Variants in REV3L observed in about 807,000 individuals in gnomAD.
REV3L encodes REV3 like, DNA directed polymerase zeta catalytic subunit.
Under a neutral mutation model 299.4 loss-of-function variants are expected in REV3L, and 69 were observed. The ratio of observed to expected loss-of-function variants is 0.23; its 90% CI spans 0.19 to 0.28. The LOEUF (loss-of-function observed/expected upper bound fraction) is 0.28. Among genes scored for constraint, REV3L ranks in the 10% least tolerant of loss-of-function variants. The pLI, the probability that REV3L is intolerant of heterozygous loss-of-function variation, is 1.00. For synonymous variants in REV3L, 1,238 were observed against 1,271.4 expected (o/e 0.97, Z 0.56); for missense variants, 3,128 against 3,693.8 (o/e 0.85, Z 3.97).
chr6:111,380,295 C>A lies in REV3L; in HGVS notation c.1217-76G>T, dbSNP rs546373087. On this transcript the variant is annotated intron_variant, in intron 10 of 31. Coordinates refer to ENST00000368802, the MANE Select transcript of REV3L (RefSeq NM_001372078.1). ...TTGACACGGAGTCTTGCTCTCTCAC[C>A]CAGGCTGGAGTTGGAGTGCAGTGGC... The A allele has an allele frequency of 7.2e-5, 79 of 1,100,158 alleles. No individual in the cohort carries two copies. The Middle Eastern group carries it at 9.5e-4, about 13-fold the overall frequency. 68.1% of individuals were successfully genotyped at this position (1,100,158 alleles called of 1,614,324 possible).
At chr6:111,420,940 A>G (rs1785271337) in intron 1 of REV3L, among the ~76,000 whole-genome samples, 1 of 152,152 alleles carries the variant, frequency 6.6e-6, no homozygotes, top group South Asian at 2.1e-4. Context: ...GGAGATCAAG[A>G]CCATCCTGGC....
intron 1 of REV3L, among the ~76,000 whole-genome samples, chr6:111,477,508 T>C (rs987715220): frequency 4.6e-5 from 7 of 152,160 alleles, no homozygotes; most frequent in African/African-American, 1.7e-4. Flanking sequence ...AGTAAAAACA[T>C]TCTCAGCAGG....
At chr6:111,428,827 A>G (rs1350105590) in intron 1 of REV3L, among the ~76,000 whole-genome samples, 1 of 152,186 alleles carries the variant, frequency 6.6e-6, no homozygotes, top group East Asian at 1.9e-4. Flanking sequence ...ATTTCAAGAA[A>G]TAACAGAAAA....
intron 30 of REV3L, 100 bp downstream of exon 30, chr6:111,309,753 G>A: frequency 7.5e-7 from 1 of 1,328,440 alleles, no homozygotes; most frequent in Non-Finnish European, 1.0e-6. Flanking sequence ...TCCCTTCCCA[G>A]CACTCCCATA....
intron 31 of REV3L, among the ~76,000 whole-genome samples, chr6:111,301,208 A>G (rs958675516): frequency 2.0e-5 from 3 of 152,170 alleles, no homozygotes; most frequent in Non-Finnish European, 4.4e-5. Context: ...TTCTAGTCAG[A>G]CTGGTTGTCT....
intron 18 of REV3L, among the ~76,000 whole-genome samples, chr6:111,353,037 C>A (rs1157492980): frequency 6.6e-6 from 1 of 152,098 alleles, no homozygotes; most frequent in Non-Finnish European, 1.5e-5. Flanking sequence ...GCCAAAAGGC[C>A]AAGTGAAATA....
chr6:111,316,143 CAGG>C (rs761243005), intron 26 of REV3L, among the ~76,000 whole-genome samples: 40 of 150,442 alleles, frequency 2.7e-4, no homozygotes, highest in Non-Finnish European at 5.5e-4. Context: ...GAGGCTGAGG[CAGG>C]AGAATCGCTT....
chr6:111,321,563 T>C (rs908187219), intron 26 of REV3L, among the ~76,000 whole-genome samples: 2 of 152,108 alleles, frequency 1.3e-5, no homozygotes, highest in African/African-American at 4.8e-5. Flanking sequence ...CAGGAGAGAA[T>C]ATGGATAATT....
intron 28 of REV3L, chr6:111,312,476 T>G (rs1773089067): frequency 6.6e-6 from 1 of 152,154 alleles, no homozygotes; most frequent in Non-Finnish European, 1.5e-5. Context: ...TTTGAGTAAT[T>G]TATAGCTAAT....
At chr6:111,335,179 T>A (rs1382744883) in intron 22 of REV3L, among the ~76,000 whole-genome samples, 2 of 152,168 alleles carry the variant, frequency 1.3e-5, no homozygotes, top group Admixed American at 6.5e-5. Context: ...AAAAGAAAGG[T>A]ACTTTCTTTG....
At chr6:111,328,581 T>G (rs1420474694) in intron 25 of REV3L, among the ~76,000 whole-genome samples, 2 of 152,178 alleles carry the variant, frequency 1.3e-5, no homozygotes, top group Non-Finnish European at 2.9e-5. Flanking sequence ...GTATGCTAAT[T>G]TCTAAAATTA....
intron 3 of REV3L, among the ~76,000 whole-genome samples, chr6:111,406,634 T>G (rs985634906): frequency 4.6e-5 from 7 of 152,278 alleles, no homozygotes; most frequent in Non-Finnish European, 1.0e-4. Context: ...GAAAAGGGGC[T>G]GAGGGTGATG....
rs1365436084 is a variant in REV3L, at chr6:111,351,659, T to C, written c.7300+17A>G. 2 of 1,581,076 alleles carry C rather than the reference T, an allele frequency of 1.3e-6. No homozygotes were observed. The highest frequency in any genetic ancestry group is 1.4e-5 in the African/African-American group (1 of 73,996). ...TGCTCTGTAGTTGAATGACAAAACA[T>C]TCACAATGACACATACCTGGCACCC... On this transcript the variant is annotated intron_variant, in intron 19 of 31. Transcript: ENST00000368802.
chr6:111,422,375 A>C (rs1354232019), intron 1 of REV3L, among the ~76,000 whole-genome samples: 1 of 151,646 alleles, frequency 6.6e-6, no homozygotes. Context: ...CAAAACCTAA[A>C]ATATGTGCTT....
chr6:111,483,361 G>A (rs1266081937), upstream of REV3L: 1 of 482,008 alleles, frequency 2.1e-6, no homozygotes, highest in Non-Finnish European at 3.7e-6. Flanking sequence ...GCCGAGAAGG[G>A]GCTTTCTCCC....
rs1167472984 is a variant in REV3L at position 111,373,824 on chromosome 6, T to G, written c.4531A>C (p.Asn1511His). The change falls in exon 13 of 32, where the codon AAT becomes CAT. Residue 1511 changes from asparagine (N) to histidine (H), a missense_variant. By Grantham distance (68) the Asn-to-His change is moderately conservative. Around this residue, in one of 9 missense-constraint regions of REV3L, gnomAD observed 2,409 missense variants for 2,611.8 expected, o/e 0.92. Transcript: ENST00000368802. Reference sequence around the variant, plus strand: ...GCTGAAGGTGTTGACACATTTCGATTTTTACACTGAGAAAGTGCTTTGGTT... The same window carrying G: ...GCTGAAGGTGTTGACACATTTCGATGTTTACACTGAGAAAGTGCTTTGGTT... The part of the protein sequence containing the change: ...SQTKALSQCK[N>H]RNVSTPSAFG... The G allele has an allele frequency of 1.2e-6, 2 of 1,614,020 alleles. No individual in the cohort carries two copies. Among genetic ancestry groups the G allele is most frequent in the Non-Finnish European group, 1.7e-6 (2 of 1,180,004 alleles).
At chr6:111,352,942 A>G (rs1777723486) in intron 18 of REV3L, among the ~76,000 whole-genome samples, 1 of 152,226 alleles carries the variant, frequency 6.6e-6, no homozygotes, top group South Asian at 2.1e-4. Flanking sequence ...GAGAGAGCGG[A>G]ACTAATTATA....
chr6:111,388,745 A>T (rs181801881), intron 7 of REV3L, among the ~76,000 whole-genome samples: 1 of 152,362 alleles, frequency 6.6e-6, no homozygotes, highest in Admixed American at 6.5e-5. Flanking sequence ...TTAATGTATT[A>T]AACAGTGTTT....
At chr6:111,469,563 T>C (rs1298607178) in intron 1 of REV3L, among the ~76,000 whole-genome samples, 1 of 152,188 alleles carries the variant, frequency 6.6e-6, no homozygotes, top group Admixed American at 6.5e-5. Context: ...GCCATGTTGA[T>C]CTGCTTTGGC....
Sources: allele counts gnomAD v4.1 joint callset (sites outside exome capture counted in the v4.1 genomes callset), GRCh38; gene constraint gnomAD v4.1.1; regional missense constraint gnomAD v4.1.1; transcripts MANE v1.5; gene names NCBI Gene and HGNC (gene_info 2026-07-23, HGNC 2026-07-21).